Variants in KIF18A observed in about 807,000 individuals in gnomAD.
KIF18A encodes the protein kinesin-like protein KIF18A.
KIF18A carries 67 observed loss-of-function variants against 103.3 expected under a neutral mutation model. The ratio of observed to expected loss-of-function variants is 0.65; its 90% CI spans 0.53 to 0.79. KIF18A has a LOEUF of 0.79. KIF18A is among the 30% of genes least tolerant of loss of function. The probability of loss-of-function intolerance (pLI) is 0.00; values close to 1 mark genes in which losing one functional copy is unlikely to be tolerated. For synonymous variants in KIF18A, 367 were observed against 355.5 expected (o/e 1.03, Z -0.36); for missense variants, 1,032 against 1,062.5 (o/e 0.97, Z 0.40).
At position 28,084,555 on chromosome 11, in the gene KIF18A, AT is replaced by A. The variant is rs1851203066; in HGVS notation, c.1074+76del. ...CTCATTATGTAGAAACATAACCTGAATTAATACTTTCATTACAATTATAAAA... is the reference window on the plus strand; with the variant it reads ...CTCATTATGTAGAAACATAACCTGAATAATACTTTCATTACAATTATAAAA... On this transcript the variant is annotated intron_variant, in intron 7 of 16. Coordinates refer to ENST00000263181, the MANE Select transcript of KIF18A (RefSeq NM_031217.4). The A allele has an allele frequency of 3.7e-5, 45 of 1,230,646 alleles. No homozygotes were observed. The South Asian group carries it at 6.3e-4, about 17-fold the overall frequency. 76.2% of individuals were successfully genotyped at this position (1,230,646 alleles called of 1,614,324 possible).
chr11:28,074,232 T>C (rs1851060481), intron 10 of KIF18A, among the ~76,000 whole-genome samples: 1 of 152,048 alleles, frequency 6.6e-6, no homozygotes, highest in Admixed American at 6.6e-5. Context: ...AATTCTTATA[T>C]AATATGGTAC....
intron 13 of KIF18A, among the ~76,000 whole-genome samples, chr11:28,040,852 G>A (rs1850550317): frequency 6.6e-6 from 1 of 151,744 alleles, no homozygotes; most frequent in Non-Finnish European, 1.5e-5. Context: ...TATTGTAAGT[G>A]TGCTCCATTT....
At chr11:28,084,415 A>G in intron 7 of KIF18A, 1 of 83,322 alleles carries the variant, frequency 1.2e-5, no homozygotes, top group Non-Finnish European at 2.2e-5. Flanking sequence ...AAGATCGAAT[A>G]ATAGTATCTA....
intron 9 of KIF18A, among the ~76,000 whole-genome samples, chr11:28,078,438 G>C (rs1296061726): frequency 6.6e-6 from 1 of 152,038 alleles, no homozygotes; most frequent in African/African-American, 2.4e-5. Context: ...GTTAATATTT[G>C]TCAATTTTGT....
chr11:28,042,943 T>G (rs1177608458), intron 13 of KIF18A, among the ~76,000 whole-genome samples: 2 of 151,834 alleles, frequency 1.3e-5, no homozygotes, highest in East Asian at 3.9e-4. Context: ...GAATGACTTA[T>G]AGTACTCCCT....
At chr11:28,042,837 G>T (rs987343330) in intron 13 of KIF18A, among the ~76,000 whole-genome samples, 5 of 151,786 alleles carry the variant, frequency 3.3e-5, no homozygotes, top group Admixed American at 2.6e-4. Context: ...ACCTAATGTT[G>T]GTAATGGGAA....
At chr11:28,091,547 TAA>T (rs751823709) in intron 3 of KIF18A, 34 bp from the exon 4 acceptor site, 962 of 912,788 alleles carry the variant, frequency 1.1e-3, no homozygotes, top group South Asian at 1.9e-3. Context: ...AGCATTGATG[TAA>T]AAAAAAAAAA....
intron 11 of KIF18A, among the ~76,000 whole-genome samples, chr11:28,065,572 TATTG>T (rs774494706): frequency 3.3e-5 from 5 of 151,976 alleles, no homozygotes; most frequent in Admixed American, 6.6e-5. Context: ...ATCCAGACAA[TATTG>T]ATTAACTTCA....
intron 13 of KIF18A, among the ~76,000 whole-genome samples, chr11:28,051,463 T>C (rs1565076373): frequency 6.6e-6 from 1 of 151,822 alleles, no homozygotes; most frequent in Non-Finnish European, 1.5e-5. Context: ...CTAGTCTCCT[T>C]GGAAAAAATA....
At chr11:28,101,019 A>G (rs531835074) in intron 1 of KIF18A, among the ~76,000 whole-genome samples, 1 of 152,284 alleles carries the variant, frequency 6.6e-6, no homozygotes, top group South Asian at 2.1e-4. Context: ...GTAAATACCA[A>G]TTCTCTTCCT....
chr11:28,025,117 T>G (rs1428241879), intron 15 of KIF18A, among the ~76,000 whole-genome samples: 1 of 152,104 alleles, frequency 6.6e-6, no homozygotes, highest in Non-Finnish European at 1.5e-5. Context: ...GTTTTTGAAC[T>G]GCGGTTGACC....
intron 15 of KIF18A, among the ~76,000 whole-genome samples, chr11:28,033,994 T>A (rs1850446271): frequency 6.6e-6 from 1 of 151,510 alleles, no homozygotes; most frequent in Admixed American, 6.6e-5. Context: ...CCCACAAAAA[T>A]AAAAAGTAAA....
At chr11:28,032,420 A>G (rs1307666683) in intron 15 of KIF18A, among the ~76,000 whole-genome samples, 1 of 151,980 alleles carries the variant, frequency 6.6e-6, no homozygotes, top group Non-Finnish European at 1.5e-5. Context: ...AGCTATCCTG[A>G]GCAAAAAGAT....
intron 1 of KIF18A, among the ~76,000 whole-genome samples, chr11:28,098,436 T>C (rs181376987): frequency 1.4e-4 from 21 of 152,296 alleles, no homozygotes; most frequent in South Asian, 6.2e-4. Context: ...CAAGGTATGA[T>C]TGGAGAGCCT....
intron 13 of KIF18A, among the ~76,000 whole-genome samples, chr11:28,044,660 A>C (rs1446365930): frequency 6.6e-6 from 1 of 152,132 alleles, no homozygotes; most frequent in African/African-American, 2.4e-5. Flanking sequence ...AGACAAAAAC[A>C]TTTTGTTGAG....
intron 15 of KIF18A, among the ~76,000 whole-genome samples, chr11:28,034,294 G>A (rs1850450922): frequency 6.6e-6 from 1 of 151,480 alleles, no homozygotes; most frequent in Non-Finnish European, 1.5e-5. Flanking sequence ...CCTGTCTCCT[G>A]GCATACTTTG....
intron 13 of KIF18A, among the ~76,000 whole-genome samples, chr11:28,047,791 T>C (rs1018974674): frequency 3.9e-5 from 6 of 152,132 alleles, no homozygotes; most frequent in Non-Finnish European, 8.8e-5. Context: ...TACTACTTCA[T>C]TGCTCCCAAA....
chr11:28,056,937 G>C, intron 13 of KIF18A: 1 of 390,372 alleles, frequency 2.6e-6, no homozygotes, highest in South Asian at 1.8e-5. Context: ...ATAAACACCA[G>C]ATCCCAAGAA....
At chr11:28,023,717 A>C (rs993992882) in intron 16 of KIF18A, 24 bp downstream of exon 16, 9 of 1,317,784 alleles carry the variant, frequency 6.8e-6, no homozygotes, top group Admixed American at 1.7e-5. Flanking sequence ...ACCATTAAAT[A>C]TCAAATTAAA....
Sources: gnomAD v4.1 joint callset for allele counts (sites outside exome capture counted in the v4.1 genomes callset) on GRCh38, gnomAD v4.1.1 for gene constraint, MANE v1.5 for transcripts, NCBI Gene and HGNC (gene_info 2026-07-23, HGNC 2026-07-21) for gene names.